PPFIA4: variants seen among roughly 807,000 people sequenced by gnomAD.
PPFIA4 encodes the protein liprin-alpha-4.
A neutral mutation model predicts 145.7 loss-of-function variants in PPFIA4; 98 were observed. The ratio of observed to expected loss-of-function variants is 0.67; its 90% CI spans 0.57 to 0.80. The LOEUF is 0.80. Ranked by LOEUF, PPFIA4 falls within the 30% of genes least tolerant of loss-of-function variation. The probability of loss-of-function intolerance (pLI) is 0.00; values close to 1 mark genes in which losing one functional copy is unlikely to be tolerated. For synonymous variants in PPFIA4, 628 were observed against 649.6 expected (o/e 0.97, Z 0.51); for missense variants, 1,457 against 1,632.7 (o/e 0.89, Z 1.85).
chr1:203,033,529 G>C (rs1023574681), intron 1 of PPFIA4, among the ~76,000 whole-genome samples: 11 of 152,184 alleles, frequency 7.2e-5, no homozygotes, highest in Admixed American at 3.3e-4. Context: ...CTGTGTCCCA[G>C]CTGTCTGAGG....
chr1:203,049,003 G>A (rs1474167323), intron 12 of PPFIA4, 23 bp downstream of exon 12: 8 of 1,547,044 alleles, frequency 5.2e-6, no homozygotes, highest in South Asian at 2.4e-5. Flanking sequence ...GGCCAGCCCC[G>A]CCCAGCCTGG....
At position 203,043,380 on chromosome 1, in the gene PPFIA4, G is replaced by T. The variant is rs747616075; in HGVS notation, c.235-17G>T. On this transcript the variant is annotated splice_polypyrimidine_tract_variant and intron_variant, in intron 2 of 29. Coordinates refer to ENST00000295706, the MANE Select transcript of PPFIA4 (RefSeq NM_001304331.2). The surrounding 1 kb of genome is among the most constrained non-coding windows in gnomAD (Gnocchi z 4.4). The stretch of plus-strand genomic sequence containing the variant: ...GGGGTGAATCCTGAAGCACTGAGGG[G>T]CCTTGGGGGTTTTCAGGAATTTGCC... 8.8e-6 allele frequency: 14 copies of T among 1,598,774 alleles called. No individual in the cohort carries two copies. In the Middle Eastern group the frequency reaches 4.9e-4, roughly 57 times the overall value.
Position 203,048,660 on chromosome 1 carries a change from C to T in PPFIA4, c.1302C>T (p.Ser434=), listed in dbSNP as rs1558078382. 1.9e-6 allele frequency: 3 copies of T among 1,608,268 alleles called. No homozygotes were observed. Among genetic ancestry groups the T allele is most frequent in the Non-Finnish European group, 1.7e-6 (2 of 1,178,244 alleles). ...SDTVDRLLSE[S]NERLQLHLKE... ...CAGTGGACCGGCTGCTCAGCGAGTC[C>T]AACGAGCGTCTGCAGCTCCACCTGA... is the stretch of plus-strand genomic sequence containing the variant. The change falls in exon 11 of 30, where the codon TCC becomes TCT. Residue 434 remains serine, a synonymous_variant. Transcript: ENST00000295706. The surrounding 1 kb of genome is among the most constrained non-coding windows in gnomAD (Gnocchi z 5.8).
At chr1:203,054,806 A>G (rs1312841131) in intron 15 of PPFIA4, among the ~76,000 whole-genome samples, 1 of 152,182 alleles carries the variant, frequency 6.6e-6, no homozygotes, top group Non-Finnish European at 1.5e-5. Context: ...TATCGCAATC[A>G]TTTTGCAAAA....
chr1:203,048,881 G>A lies in PPFIA4; in HGVS notation c.1357-37G>A, dbSNP rs1660283583. 6.5e-7 allele frequency: 1 copy of A among 1,545,632 alleles called. No individual in the cohort carries two copies. Among genetic ancestry groups the A allele is most frequent in the African/African-American group, 1.4e-5 (1 of 72,918 alleles). Reference sequence around the variant, plus strand: ...GAGGCTCAGGTCTGGAATGGGAGAGGAAGGCAGGGGCCTGGCTCACAGCTG... The same window carrying A: ...GAGGCTCAGGTCTGGAATGGGAGAGAAAGGCAGGGGCCTGGCTCACAGCTG... On this transcript the variant is annotated intron_variant, in intron 11 of 29. Coordinates refer to ENST00000295706, the MANE Select transcript of PPFIA4 (RefSeq NM_001304331.2). The surrounding 1 kb of genome is among the most constrained non-coding windows in gnomAD (Gnocchi z 5.8).
chr1:203,044,425 A>T lies in PPFIA4; in HGVS notation c.548A>T (p.Glu183Val). 1 of 1,551,714 alleles carries T rather than the reference A, an allele frequency of 6.4e-7. No individual in the cohort carries two copies. The highest frequency in any genetic ancestry group is 2.4e-5 in the East Asian group (1 of 40,960). The change falls in exon 5 of 30, where the codon GAG (glutamate) becomes GTG (valine). Residue 183 changes from glutamate to valine, a missense_variant. Glu to Val is a moderately radical substitution (Grantham distance 121). This residue lies in a region of PPFIA4 where 463 missense variants were observed against 459.8 expected (regional missense o/e 1.01). Coordinates refer to ENST00000295706, the MANE Select transcript of PPFIA4 (RefSeq NM_001304331.2). ...RAALERVTTLEEQLAGAHQQV... is the reference protein window; with the variant it reads ...RAALERVTTLVEQLAGAHQQV... ...GCGCTGGAGCGAGTCACCACCTTGG[A>T]GGAGCAGCTGGCAGGTGCCCACCAG...
chr1:203,077,338 C>T lies in PPFIA4; in HGVS notation c.*948C>T, dbSNP rs35680180. On this transcript the variant is annotated 3_prime_UTR_variant, in exon 30 of 30. Transcript: ENST00000295706. The stretch of plus-strand genomic sequence containing the variant: ...TAACCATGCATTGCTAGCTCTGCTC[C>T]CAGCATCCCTTCCCCTTCTCTCCTC... 0.13 allele frequency: 20,139 copies of T among 152,308 alleles called. 1,718 individuals are homozygous for T. The highest frequency in any genetic ancestry group is 0.26 in the Middle Eastern group (78 of 296). The allele number at this position is 152,308 out of a possible 1,614,324, so 9.4% of individuals were successfully genotyped here. A position where few individuals can be genotyped will look rare whatever the true frequency, so the allele number is the denominator to read the frequency against.
At chr1:203,069,569 G>C (rs1262131877) in intron 27 of PPFIA4, among the ~76,000 whole-genome samples, 1 of 152,214 alleles carries the variant, frequency 6.6e-6, no homozygotes, top group African/African-American at 2.4e-5. Flanking sequence ...TGTCTGGACT[G>C]TTTGCAGCTG....
chr1:203,048,889 G>C lies in PPFIA4; in HGVS notation c.1357-29G>C. 6.5e-7 allele frequency: 1 copy of C among 1,547,112 alleles called. No individual in the cohort carries two copies. Among genetic ancestry groups the C allele is most frequent in the South Asian group, 1.2e-5 (1 of 83,848 alleles). ...GGTCTGGAATGGGAGAGGAAGGCAG[G>C]GGCCTGGCTCACAGCTGCTCTCCCC... is the stretch of plus-strand genomic sequence containing the variant. On this transcript the variant is annotated intron_variant, in intron 11 of 29. Coordinates refer to ENST00000295706, the MANE Select transcript of PPFIA4 (RefSeq NM_001304331.2). The surrounding 1 kb of genome is among the most constrained non-coding windows in gnomAD (Gnocchi z 5.8).
Position 203,039,052 on chromosome 1 carries a change from G to T in PPFIA4, c.44G>T (p.Gly15Val). The change falls in exon 2 of 30, where the codon GGT (glycine) becomes GTT (valine). Residue 15 changes from glycine to valine, a missense_variant. Physicochemically the swap from Gly to Val is moderately radical, Grantham distance 109 (BLOSUM62 -3). Transcript: ENST00000295706. ...MPTINEGDRLGPPHGADADAN... is the reference protein window; with the variant it reads ...MPTINEGDRLVPPHGADADAN... ...ACAATCAATGAGGGGGACCGCCTGGGTCCCCCTCATGGCGCCGATGCTGAC... is the reference window on the plus strand; with the variant it reads ...ACAATCAATGAGGGGGACCGCCTGGTTCCCCCTCATGGCGCCGATGCTGAC... The T allele has an allele frequency of 6.3e-7, 1 of 1,597,526 alleles. No homozygotes were observed. Among genetic ancestry groups the T allele is most frequent in the Non-Finnish European group, 8.5e-7 (1 of 1,172,884 alleles).
In PPFIA4 at chr1:203,049,780, C is replaced by CA; in HGVS notation, c.1511+14dup. On this transcript the variant is annotated intron_variant, in intron 13 of 29. Coordinates refer to ENST00000295706, the MANE Select transcript of PPFIA4 (RefSeq NM_001304331.2). Reference sequence around the variant, plus strand: ...GCGTCCACTCCAGGTACTGCAGCGCCAGAGGCTGGGCATGCCAGGACGGGG... The same window carrying CA: ...GCGTCCACTCCAGGTACTGCAGCGCCAAGAGGCTGGGCATGCCAGGACGGGG... The CA allele has an allele frequency of 6.5e-7, 1 of 1,542,004 alleles. No individual in the cohort carries two copies. Among genetic ancestry groups the CA allele is most frequent in the South Asian group, 1.2e-5 (1 of 80,118 alleles).
chr1:203,054,095 G>A, intron 15 of PPFIA4, 134 bp downstream of exon 15: 1 of 1,025,764 alleles, frequency 9.7e-7, no homozygotes, highest in South Asian at 1.4e-5. Context: ...GACCCTCTGT[G>A]GGTCATCAGG....
Position 203,046,335 on chromosome 1 carries a change from C to A in PPFIA4, c.1093C>A (p.Pro365Thr). ...GACGATGCGCAAGGCAGAGACGCTG[C>A]CAGAGGTGGAGGCTGAGCTGGCCCA... ...QQTMRKAETL[P>T]EVEAELAQRI... The change falls in exon 9 of 30, where the codon CCA becomes ACA. Residue 365 changes from proline to threonine, a missense_variant. Pro to Thr is a conservative substitution (Grantham distance 38). Transcript: ENST00000295706. The A allele has an allele frequency of 6.3e-7, 1 of 1,593,662 alleles. No individual in the cohort carries two copies. Among genetic ancestry groups the A allele is most frequent in the Non-Finnish European group, 8.5e-7 (1 of 1,170,968 alleles).
At chr1:203,061,165 T>G in intron 23 of PPFIA4, 133 bp downstream of exon 23, 1 of 834,744 alleles carries the variant, frequency 1.2e-6, no homozygotes, top group Non-Finnish European at 2.0e-6. Context: ...CCCTGAGGTG[T>G]GATCTGCTGT....
chr1:203,037,621 C>T (rs1659382305), intron 1 of PPFIA4, among the ~76,000 whole-genome samples: 1 of 152,212 alleles, frequency 6.6e-6, no homozygotes, highest in Non-Finnish European at 1.5e-5. Flanking sequence ...TTTCCTGTTA[C>T]TTCATCGCCG....
intron 2 of PPFIA4, among the ~76,000 whole-genome samples, chr1:203,039,476 G>C (rs1002462414): frequency 1.3e-5 from 2 of 152,192 alleles, no homozygotes; most frequent in African/African-American, 4.8e-5. Flanking sequence ...AGCCATAGGT[G>C]TCAGCTACAG....
chr1:203,028,860 C>A (rs373238621), intron 1 of PPFIA4, among the ~76,000 whole-genome samples: 1 of 152,104 alleles, frequency 6.6e-6, no homozygotes, highest in African/African-American at 2.4e-5. Context: ...CCCCCTCTGG[C>A]CTGCTAGCTC....
At chr1:203,061,147 G>A (rs1661329725) in intron 23 of PPFIA4, 115 bp downstream of exon 23, 1 of 994,102 alleles carries the variant, frequency 1.0e-6, no homozygotes, top group African/African-American at 1.6e-5. Context: ...CTCACGTGAG[G>A]TTGGTATCCC....
At chr1:203,052,673 G>A (rs1660621675) in intron 14 of PPFIA4, among the ~76,000 whole-genome samples, 1 of 152,206 alleles carries the variant, frequency 6.6e-6, no homozygotes, top group African/African-American at 2.4e-5. Flanking sequence ...GGCTGCAGGA[G>A]CCTGAAGGGG....
Sources: gnomAD v4.1 joint callset for allele counts (sites outside exome capture counted in the v4.1 genomes callset) on GRCh38, gnomAD v4.1.1 for gene constraint, gnomAD v4.1.1 regional missense constraint, Gnocchi (gnomAD v3.1) non-coding constraint, MANE v1.5 for transcripts, NCBI Gene and HGNC (gene_info 2026-07-23, HGNC 2026-07-21) for gene names.